The following USP32 variants were observed in gnomAD, a reference collection of about 807,000 sequenced individuals.
USP32 encodes ubiquitin specific peptidase 32.
USP32 carries 59 observed loss-of-function variants against 204.8 expected under a neutral mutation model. The observed-to-expected ratio is 0.29, with a 90% CI of 0.23 to 0.36. The LOEUF (loss-of-function observed/expected upper bound fraction) is 0.36. Ranked by LOEUF, USP32 falls within the 10% of genes least tolerant of loss-of-function variation. The probability of loss-of-function intolerance (pLI) is 1.00; values close to 1 mark genes in which losing one functional copy is unlikely to be tolerated. For synonymous variants in USP32, 517 were observed against 678.4 expected (o/e 0.76, Z 3.70); for missense variants, 1,160 against 1,946.4 (o/e 0.60, Z 7.60).
intron 1 of USP32, among the ~76,000 whole-genome samples, chr17:60,404,691 T>C (rs1180427143): frequency 1.3e-5 from 2 of 152,210 alleles, no homozygotes; most frequent in Non-Finnish European, 2.9e-5. Flanking sequence ...CAAAAGAGAC[T>C]GGGATTAGCT....
Position 60,180,644 on chromosome 17 carries a change from G to A in USP32, c.4549-7C>T, listed in dbSNP as rs1180670360. ...CCAGAATTCCTGAATGGCACTGTAA[G>A]AGATAAGAGAGTGGAGGTATGTTAG... On this transcript the variant is annotated splice_region_variant and splice_polypyrimidine_tract_variant and intron_variant, in intron 32 of 33. Coordinates refer to ENST00000300896, the MANE Select transcript of USP32 (RefSeq NM_032582.4). 6.2e-7 allele frequency: 1 copy of A among 1,613,166 alleles called. No individual in the cohort carries two copies.
chr17:60,219,027 T>C (rs971004442), intron 16 of USP32, among the ~76,000 whole-genome samples: 4 of 152,216 alleles, frequency 2.6e-5, no homozygotes, highest in African/African-American at 7.2e-5. Context: ...TACATTAAAA[T>C]GGGAACTACT....
chr17:60,200,351 C>T (rs1264962385), intron 26 of USP32, among the ~76,000 whole-genome samples: 3 of 152,018 alleles, frequency 2.0e-5, no homozygotes, highest in Non-Finnish European at 4.4e-5. Flanking sequence ...CACCTGAGGT[C>T]GGGAGTTCGA....
rs571681482 is a variant in USP32 at position 60,385,186 on chromosome 17, C to G, written c.58+6696G>C. Among the ~76,000 whole-genome samples the G allele has an allele frequency of 6.3e-4, 96 of 152,288 alleles. 2 individuals are homozygous for G. Among genetic ancestry groups the G allele is most frequent in the African/African-American group, 2.3e-3 (96 of 41,568 alleles). On this transcript the variant is annotated intron_variant, in intron 1 of 33. Coordinates refer to ENST00000300896, the MANE Select transcript of USP32 (RefSeq NM_032582.4). ...CCTTCTCCTGGCTCAGAAGCTCCCC[C>G]ACTGGGCACCTCGTGACCCCCGCCC...
chr17:60,393,414 A>G (rs2089871647), upstream of USP32, among the ~76,000 whole-genome samples: 1 of 152,238 alleles, frequency 6.6e-6, no homozygotes, highest in Non-Finnish European at 1.5e-5. Context: ...ATAGGAAACC[A>G]TAAATGGAGA....
chr17:60,184,626 T>C (rs2084201643), intron 30 of USP32, among the ~76,000 whole-genome samples: 1 of 151,970 alleles, frequency 6.6e-6, no homozygotes, highest in Admixed American at 6.6e-5. Flanking sequence ...CTGGCCAACA[T>C]GGTGAAACCC....
rs1598092763 is a variant in USP32 at position 60,223,270 on chromosome 17, G to A, written c.1608+141C>T. 9 of 674,174 alleles carry A rather than the reference G, an allele frequency of 1.3e-5. No homozygotes were observed. The East Asian group carries it at 2.3e-4, about 17-fold the overall frequency. The allele number at this position is 674,174 out of a possible 1,614,324, so 41.8% of individuals were successfully genotyped here. ...AAATCATAAATATTCTCACAGAAAT[G>A]TACTATACAAAGAGATGTCCATCTA... On this transcript the variant is annotated intron_variant, in intron 14 of 33. Coordinates refer to ENST00000300896, the MANE Select transcript of USP32 (RefSeq NM_032582.4).
intron 2 of USP32, among the ~76,000 whole-genome samples, chr17:60,336,633 G>A (rs954457696): frequency 1.4e-5 from 2 of 144,644 alleles, no homozygotes; most frequent in Admixed American, 6.8e-5. Flanking sequence ...GGAGAATGGC[G>A]TGAACCCGGG....
intron 2 of USP32, among the ~76,000 whole-genome samples, chr17:60,310,798 G>A (rs2087835063): frequency 1.3e-5 from 2 of 152,210 alleles, no homozygotes; most frequent in African/African-American, 4.8e-5. Context: ...CACTTTGGGA[G>A]GCCAAGGCAA....
intron 1 of USP32, among the ~76,000 whole-genome samples, chr17:60,379,306 G>A (rs2089606938): frequency 1.3e-5 from 2 of 152,160 alleles, no homozygotes; most frequent in Admixed American, 6.5e-5. Flanking sequence ...TAACTGTGAA[G>A]GACTTAGTAA....
chr17:60,367,965 T>C (rs1427612509), intron 1 of USP32, among the ~76,000 whole-genome samples: 1 of 152,110 alleles, frequency 6.6e-6, no homozygotes, highest in African/African-American at 2.4e-5. Flanking sequence ...GAATTATAAG[T>C]AATCTAGAGA....
chr17:60,269,238 T>C (rs62084569), intron 7 of USP32, among the ~76,000 whole-genome samples: 5,208 of 152,226 alleles, frequency 0.034, 147 homozygotes, highest in South Asian at 0.085. Context: ...CCATTGTTAA[T>C]AGCAAATATC....
At chr17:60,373,075 G>A (rs1214981049) in intron 1 of USP32, among the ~76,000 whole-genome samples, 2 of 152,052 alleles carry the variant, frequency 1.3e-5, no homozygotes, top group Non-Finnish European at 2.9e-5. Context: ...GCTAAGGTGG[G>A]AGGATAGCTA....
intron 1 of USP32, among the ~76,000 whole-genome samples, chr17:60,365,443 T>C (rs760820853): frequency 1.3e-5 from 2 of 151,974 alleles, no homozygotes; most frequent in Non-Finnish European, 2.9e-5. Context: ...ATCAGGCCAC[T>C]TGCAATCCAG....
chr17:60,421,325 A>G (rs2143140315), intron 1 of USP32: 3 of 967,650 alleles, frequency 3.1e-6, no homozygotes, highest in South Asian at 4.8e-5. Context: ...AAGTTTCTGG[A>G]CTCAAAGGGT....
At chr17:60,299,183 T>C (rs1193711574) in intron 3 of USP32, among the ~76,000 whole-genome samples, 5 of 152,312 alleles carry the variant, frequency 3.3e-5, no homozygotes, top group Admixed American at 6.5e-5. Context: ...CGTATCAAAA[T>C]ATATACTTTA....
intron 2 of USP32, among the ~76,000 whole-genome samples, chr17:60,314,372 G>A (rs1487162616): frequency 6.6e-6 from 1 of 151,776 alleles, no homozygotes; most frequent in East Asian, 1.9e-4. Flanking sequence ...TGAACTCCTG[G>A]GCTCCAGTGA....
chr17:60,261,751 A>G (rs746709833), intron 9 of USP32, among the ~76,000 whole-genome samples: 1 of 152,248 alleles, frequency 6.6e-6, no homozygotes, highest in Non-Finnish European at 1.5e-5. Flanking sequence ...AACCTTTTAT[A>G]TCTAACAGAA....
intron 28 of USP32, 64 bp from the exon 29 acceptor site, chr17:60,190,747 T>C: frequency 1.9e-6 from 3 of 1,559,852 alleles, no homozygotes; most frequent in Non-Finnish European, 2.6e-6. Flanking sequence ...ATTTTCTTAA[T>C]AAAAAATATT....
Sources: allele counts gnomAD v4.1 joint callset (sites outside exome capture counted in the v4.1 genomes callset), GRCh38; gene constraint gnomAD v4.1.1; transcripts MANE v1.5; gene names NCBI Gene and HGNC (gene_info 2026-07-23, HGNC 2026-07-21).